The following CCBE1 variants were observed in gnomAD, a reference collection of about 807,000 sequenced individuals.
CCBE1 encodes collagen and calcium binding EGF domains 1.
CCBE1 carries 37 observed loss-of-function variants against 50.0 expected under a neutral mutation model. The ratio of observed to expected loss-of-function variants is 0.74; its 90% CI spans 0.57 to 0.97. The LOEUF is 0.97. Ranked by LOEUF, CCBE1 falls within the 50% of genes least tolerant of loss-of-function variation. The pLI is 0.00. For synonymous variants in CCBE1, 234 were observed against 203.7 expected (o/e 1.15, Z -1.27); for missense variants, 538 against 523.8 (o/e 1.03, Z -0.26).
chr18:59,491,724 G>C lies in CCBE1; in HGVS notation c.213-11486C>G, dbSNP rs143967279. Among the ~76,000 whole-genome samples, 457 of 150,364 alleles carry C rather than the reference G, an allele frequency of 3.0e-3. 6 individuals are homozygous for C. The highest frequency in any genetic ancestry group is 0.022 in the East Asian group (108 of 4,978). On this transcript the variant is annotated intron_variant, in intron 2 of 10. Transcript: ENST00000439986. Reference sequence around the variant, plus strand: ...AGCTACTCGGGAGGCTGAGGCAGGAGAATCACTTGAGCCCAGTAGGTGGAG... The same window carrying C: ...AGCTACTCGGGAGGCTGAGGCAGGACAATCACTTGAGCCCAGTAGGTGGAG...
At chr18:59,600,993 T>TTATTAGC (rs199951408) in intron 2 of CCBE1, among the ~76,000 whole-genome samples, 2,299 of 148,448 alleles carry the variant, frequency 0.015, 39 homozygotes, top group Admixed American at 0.031. Context: ...GGGATCTATT[T>TTATTAGC]TATTAGCTAT....
At chr18:59,566,778 T>G (rs1450581074) in intron 2 of CCBE1, among the ~76,000 whole-genome samples, 2 of 152,160 alleles carry the variant, frequency 1.3e-5, no homozygotes, top group Non-Finnish European at 2.9e-5. Context: ...CTCTCTTTTT[T>G]TGTCCAACCC....
intron 7 of CCBE1, among the ~76,000 whole-genome samples, chr18:59,440,091 TC>T (rs2143620713): frequency 6.6e-6 from 1 of 152,330 alleles, no homozygotes; most frequent in African/African-American, 2.4e-5. Flanking sequence ...TTCTGCAACC[TC>T]CTTTTTGAAT....
At chr18:59,547,064 G>GGA (rs1200107373) in intron 2 of CCBE1, among the ~76,000 whole-genome samples, 2 of 106,858 alleles carry the variant, frequency 1.9e-5, no homozygotes, top group Non-Finnish European at 3.8e-5. Context: ...GGAGAGAGGG[G>GGA]GAGAGAGGGG....
chr18:59,527,969 C>T (rs1411097875), intron 2 of CCBE1, among the ~76,000 whole-genome samples: 1 of 152,118 alleles, frequency 6.6e-6, no homozygotes, highest in Non-Finnish European at 1.5e-5. Flanking sequence ...GGTTGATCTT[C>T]TCATGGAGTA....
intron 2 of CCBE1, among the ~76,000 whole-genome samples, chr18:59,506,804 A>C (rs12955710): frequency 0.022 from 3,308 of 152,322 alleles, 143 homozygotes; most frequent in East Asian, 0.2. Context: ...ACAAAAGATT[A>C]AATTTACAAC....
chr18:59,594,687 G>T (rs998305493), intron 2 of CCBE1, among the ~76,000 whole-genome samples: 1 of 152,126 alleles, frequency 6.6e-6, no homozygotes, highest in African/African-American at 2.4e-5. Context: ...CCTAGCAGTA[G>T]ATACTCATTT....
chr18:59,515,344 A>C (rs1354190220), intron 2 of CCBE1, among the ~76,000 whole-genome samples: 1 of 152,194 alleles, frequency 6.6e-6, no homozygotes, highest in Non-Finnish European at 1.5e-5. Flanking sequence ...AATGCCTACT[A>C]TGTGCCAGGC....
Position 59,606,536 on chromosome 18 carries a change from G to A in CCBE1, c.212+90093C>T, listed in dbSNP as rs112944254. Among the ~76,000 whole-genome samples the A allele has an allele frequency of 5.2e-3, 791 of 152,188 alleles. 12 individuals carry two copies. The highest frequency in any genetic ancestry group is 0.018 in the African/African-American group (740 of 41,520). On this transcript the variant is annotated intron_variant, in intron 2 of 10. Coordinates refer to ENST00000439986, the MANE Select transcript of CCBE1 (RefSeq NM_133459.4). ...CTTTACTCTTCAAAGATAACATCCC[G>A]TCCGTATGTGACTCCCTGCATCTTG...
chr18:59,524,554 C>A (rs1483100071), intron 2 of CCBE1, among the ~76,000 whole-genome samples: 1 of 152,054 alleles, frequency 6.6e-6, no homozygotes, highest in Admixed American at 6.6e-5. Flanking sequence ...AGATAAGTAA[C>A]CTTAAAATTA....
intron 2 of CCBE1, among the ~76,000 whole-genome samples, chr18:59,493,535 C>G (rs574369237): frequency 8.1e-5 from 11 of 135,066 alleles, no homozygotes; most frequent in Non-Finnish European, 1.7e-4. Context: ...TTATTTAATT[C>G]TCATAAAAAC....
intron 2 of CCBE1, among the ~76,000 whole-genome samples, chr18:59,660,947 A>G (rs2054275781): frequency 6.6e-6 from 1 of 152,134 alleles, no homozygotes; most frequent in Non-Finnish European, 1.5e-5. Flanking sequence ...AAATAAATAC[A>G]TCTTTGTAAA....
intron 2 of CCBE1, among the ~76,000 whole-genome samples, chr18:59,568,885 C>A (rs910798240): frequency 3.3e-5 from 5 of 152,204 alleles, no homozygotes; most frequent in Admixed American, 6.5e-5. Context: ...CATGGGCAGG[C>A]CATGAGTTCT....
chr18:59,627,654 AG>A (rs2053802970), intron 2 of CCBE1, among the ~76,000 whole-genome samples: 1 of 152,202 alleles, frequency 6.6e-6, no homozygotes, highest in Non-Finnish European at 1.5e-5. Context: ...CAGAAGAGGC[AG>A]AGACTGGAGT....
At chr18:59,471,952 C>T (rs1369090961) in intron 3 of CCBE1, among the ~76,000 whole-genome samples, 1 of 152,174 alleles carries the variant, frequency 6.6e-6, no homozygotes, top group African/African-American at 2.4e-5. Context: ...GGCTTGAGGC[C>T]AGGAGTTCAA....
chr18:59,570,830 G>C (rs75979092), intron 2 of CCBE1, among the ~76,000 whole-genome samples: 3,366 of 152,254 alleles, frequency 0.022, 116 homozygotes, highest in African/African-American at 0.077. Flanking sequence ...GGCTCCAGGA[G>C]AGCCGGACGT....
At chr18:59,450,518 C>T (rs761626628) in intron 6 of CCBE1, among the ~76,000 whole-genome samples, 5 of 152,042 alleles carry the variant, frequency 3.3e-5, no homozygotes, top group Admixed American at 2.6e-4. Flanking sequence ...TTAAACCAAG[C>T]GGCAACCTAC....
intron 2 of CCBE1, among the ~76,000 whole-genome samples, chr18:59,518,083 A>C (rs1914451408): frequency 6.6e-6 from 1 of 152,116 alleles, no homozygotes; most frequent in Non-Finnish European, 1.5e-5. Flanking sequence ...GAGATGATAC[A>C]TTGTGGACTG....
At chr18:59,609,072 G>A (rs1387162869) in intron 2 of CCBE1, among the ~76,000 whole-genome samples, 1 of 152,128 alleles carries the variant, frequency 6.6e-6, no homozygotes, top group Non-Finnish European at 1.5e-5. Context: ...CCTCCTTCTT[G>A]AAACTTCCCC....
Sources: gnomAD v4.1 joint callset for allele counts (sites outside exome capture counted in the v4.1 genomes callset) on GRCh38, gnomAD v4.1.1 for gene constraint, MANE v1.5 for transcripts, NCBI Gene and HGNC (gene_info 2026-07-23, HGNC 2026-07-21) for gene names.